Variants in CRISPLD1 observed in about 807,000 individuals in gnomAD.
The protein encoded by CRISPLD1 is cysteine-rich secretory protein LCCL domain-containing 1.
Under a neutral mutation model 77.5 loss-of-function variants are expected in CRISPLD1, and 60 were observed. The observed-to-expected ratio is 0.77, with a 90% CI of 0.63 to 0.96. CRISPLD1 has a LOEUF of 0.96. Among genes scored for constraint, CRISPLD1 ranks in the 40% least tolerant of loss-of-function variants. The pLI, the probability that CRISPLD1 is intolerant of heterozygous loss-of-function variation, is 0.00. For missense variants in CRISPLD1, 623 were observed against 615.8 expected (o/e 1.01, Z -0.12); for synonymous variants, 195 against 200.1 (o/e 0.97, Z 0.22).
Position 75,032,226 on chromosome 8 carries a change from T to C in CRISPLD1, c.1487T>C (p.Val496Ala). ...CCTCCAGGAGGAAAGGCATTCAGAG[T>C]GTTTGCTGTTGTGTGAAACTGAATA... ...QNPPGGKAFR[V>A]FAVV The change falls in exon 15 of 15, where the codon GTG (valine) becomes GCG (alanine). Residue 496 changes from valine to alanine, a missense_variant. Transcript: ENST00000262207. 2 of 1,607,544 alleles carry C rather than the reference T, an allele frequency of 1.2e-6. No homozygotes were observed. The highest frequency in any genetic ancestry group is 1.7e-6 in the Non-Finnish European group (2 of 1,176,438).
chr8:75,016,063 T>G (rs1813021992), intron 6 of CRISPLD1, among the ~76,000 whole-genome samples: 1 of 152,162 alleles, frequency 6.6e-6, no homozygotes, highest in African/African-American at 2.4e-5. Context: ...GCATATTGAA[T>G]TTTCTTCTAA....
Position 75,032,341 on chromosome 8 carries a change from A to G in CRISPLD1, c.*99A>G, listed in dbSNP as rs1362290642. On this transcript the variant is annotated 3_prime_UTR_variant, in exon 15 of 15. Transcript: ENST00000262207. ...CATTACTGTACAGAGTACATCAACT[A>G]TTTTCAGCCCAAAAAGGTGCCAAAT... 1.2e-6 allele frequency: 1 copy of G among 807,160 alleles called. No homozygotes were observed. The highest frequency in any genetic ancestry group is 1.8e-5 in the African/African-American group (1 of 56,322). 50.0% of individuals were successfully genotyped at this position (807,160 alleles called of 1,614,324 possible). A position where few individuals can be genotyped will look rare whatever the true frequency, so the allele number is the denominator to read the frequency against.
intron 13 of CRISPLD1, among the ~76,000 whole-genome samples, chr8:75,028,646 C>A (rs944884947): frequency 3.3e-5 from 5 of 152,090 alleles, no homozygotes; most frequent in African/African-American, 1.2e-4. Flanking sequence ...AGTATTGGAC[C>A]TGAAACAACA....
intron 2 of CRISPLD1, among the ~76,000 whole-genome samples, chr8:74,996,924 C>A (rs903896880): frequency 6.6e-6 from 1 of 151,758 alleles, no homozygotes; most frequent in Non-Finnish European, 1.5e-5. Context: ...GCTGTGTTTC[C>A]GAGGCTGGTC....
chr8:74,996,034 T>TTA (rs10588040), intron 2 of CRISPLD1, among the ~76,000 whole-genome samples: 2,113 of 145,588 alleles, frequency 0.015, 24 homozygotes, highest in South Asian at 0.048. Context: ...GGTCATTGCT[T>TTA]TATATATATA....
intron 4 of CRISPLD1, among the ~76,000 whole-genome samples, chr8:75,013,393 A>G (rs1315720309): frequency 1.3e-5 from 2 of 152,030 alleles, no homozygotes; most frequent in Admixed American, 6.6e-5. Context: ...ATATATATAT[A>G]TTTATATTTC....
chr8:74,988,419 C>T (rs1161431162), intron 2 of CRISPLD1, among the ~76,000 whole-genome samples: 1 of 152,082 alleles, frequency 6.6e-6, no homozygotes, highest in Non-Finnish European at 1.5e-5. Context: ...TAACCAGTTA[C>T]CTATTGGTTC....
rs150907611 is a variant in CRISPLD1, at chr8:75,000,088, G to A, written c.259-12345G>A. Reference sequence around the variant, plus strand: ...ATTAGGCAAGACCAGGAGTGAACATGGGAGTTACTGTTTCTGGAATGTCCC... The same window carrying A: ...ATTAGGCAAGACCAGGAGTGAACATAGGAGTTACTGTTTCTGGAATGTCCC... On this transcript the variant is annotated intron_variant, in intron 2 of 14. Transcript: ENST00000262207. 204 of 954,316 alleles carry A rather than the reference G, an allele frequency of 2.1e-4. No individual in the cohort carries two copies. The African/African-American group carries it at 3.0e-3, about 14-fold the overall frequency. 59.1% of individuals were successfully genotyped at this position (954,316 alleles called of 1,614,324 possible).
At position 75,033,345 on chromosome 8, in the gene CRISPLD1, T is replaced by A. The variant is rs1813386386; in HGVS notation, c.*1103T>A. On this transcript the variant is annotated 3_prime_UTR_variant, in exon 15 of 15. Transcript: ENST00000262207. ...TTGCATGCCTATTTTGATTTAGAAATCACTTTAAGATAAATGAACAAAATT... is the reference window on the plus strand; with the variant it reads ...TTGCATGCCTATTTTGATTTAGAAAACACTTTAAGATAAATGAACAAAATT... 6.6e-6 allele frequency: 1 copy of A among 152,172 alleles called. No individual in the cohort carries two copies. The highest frequency in any genetic ancestry group is 6.6e-5 in the Admixed American group (1 of 15,246). 9.4% of individuals were successfully genotyped at this position (152,172 alleles called of 1,614,324 possible). A position where few individuals can be genotyped will look rare whatever the true frequency, so the allele number is the denominator to read the frequency against.
intron 2 of CRISPLD1, among the ~76,000 whole-genome samples, chr8:75,009,085 T>C (rs1389383549): frequency 6.6e-6 from 1 of 152,118 alleles, no homozygotes; most frequent in Non-Finnish European, 1.5e-5. Context: ...TAAATTGAAC[T>C]TGAGTAGAGG....
chr8:75,009,450 T>G (rs1812891819), intron 2 of CRISPLD1, among the ~76,000 whole-genome samples: 1 of 152,118 alleles, frequency 6.6e-6, no homozygotes, highest in Non-Finnish European at 1.5e-5. Context: ...AGGGGGGAAT[T>G]CAACTCCACC....
At chr8:74,998,432 G>T (rs1029278527) in intron 2 of CRISPLD1, among the ~76,000 whole-genome samples, 1 of 151,956 alleles carries the variant, frequency 6.6e-6, no homozygotes, top group Non-Finnish European at 1.5e-5. Flanking sequence ...TACCACGGCC[G>T]GTAATATCAG....
intron 2 of CRISPLD1, among the ~76,000 whole-genome samples, chr8:75,009,387 C>G (rs1812890396): frequency 6.6e-6 from 1 of 151,994 alleles, no homozygotes; most frequent in Non-Finnish European, 1.5e-5. Flanking sequence ...AGTCTCCCAG[C>G]CTCTTTCTGT....
At chr8:75,014,945 A>G (rs563513465) in intron 6 of CRISPLD1, 33 bp downstream of exon 6, 68 of 1,421,180 alleles carry the variant, frequency 4.8e-5, no homozygotes, top group Non-Finnish European at 6.3e-5. Context: ...ATTCATGTTG[A>G]TTTATATTTT....
At chr8:75,022,952 TC>T (rs1190598927) in intron 12 of CRISPLD1, among the ~76,000 whole-genome samples, 2 of 151,938 alleles carry the variant, frequency 1.3e-5, no homozygotes, top group African/African-American at 4.8e-5. Flanking sequence ...AGAAATGTTA[TC>T]CAGTTTTACA....
chr8:74,994,655 C>A (rs1812620723), intron 2 of CRISPLD1, among the ~76,000 whole-genome samples: 1 of 152,180 alleles, frequency 6.6e-6, no homozygotes, highest in African/African-American at 2.4e-5. Context: ...AAAACGCAAT[C>A]TGCTTCCTCC....
intron 14 of CRISPLD1, among the ~76,000 whole-genome samples, chr8:75,030,865 CACAT>C (rs1237496068): frequency 1.3e-5 from 2 of 148,482 alleles, no homozygotes; most frequent in African/African-American, 5.0e-5. Flanking sequence ...TATATACACA[CACAT>C]ATAGATACGT....
At chr8:75,014,175 T>C in intron 5 of CRISPLD1, 73 bp downstream of exon 5, 1 of 942,402 alleles carries the variant, frequency 1.1e-6, no homozygotes, top group Admixed American at 1.9e-5. Context: ...CGTTCCTGAT[T>C]GTTCCCCATT....
rs1010268468 is a variant in CRISPLD1 at position 75,018,773 on chromosome 8, G to A, written c.1128-1097G>A. On this transcript the variant is annotated intron_variant, in intron 10 of 14. Coordinates refer to ENST00000262207, the MANE Select transcript of CRISPLD1 (RefSeq NM_031461.6). ...GTCCAACTAATTTTTGTTATTTTTA[G>A]TAGAGATGGGGTTTCATCAGGTTGG... Among the ~76,000 whole-genome samples, 6 of 151,820 alleles carry A rather than the reference G, an allele frequency of 4.0e-5. No individual in the cohort carries two copies. In the East Asian group the frequency reaches 1.2e-3, roughly 29 times the overall value.
Sources: allele counts gnomAD v4.1 joint callset (sites outside exome capture counted in the v4.1 genomes callset), GRCh38; gene constraint gnomAD v4.1.1; transcripts MANE v1.5; gene names NCBI Gene and HGNC (gene_info 2026-07-23, HGNC 2026-07-21).